The following GRM4 variants were observed in gnomAD, a reference collection of about 807,000 sequenced individuals.
GRM4 encodes the protein glutamate metabotropic receptor 4.
GRM4 carries 28 observed loss-of-function variants against 81.7 expected under a neutral mutation model. That is an observed-to-expected ratio of 0.34 (90% CI 0.25 to 0.47). The LOEUF (loss-of-function observed/expected upper bound fraction) is 0.47. GRM4 is among the 20% of genes least tolerant of loss of function. The pLI is 1.00. For missense variants in GRM4, 948 were observed against 1,290.0 expected, an observed-to-expected ratio of 0.73 and a Z score of 4.06; for synonymous variants, 488 against 528.8, an observed-to-expected ratio of 0.92 and a Z score of 1.06.
At chr6:34,044,601 T>C (rs1421164088) in intron 6 of GRM4, among the ~76,000 whole-genome samples, 1 of 128,338 alleles carries the variant, frequency 7.8e-6, no homozygotes, top group Non-Finnish European at 1.7e-5. Flanking sequence ...GACACACACA[T>C]AGACATACAT....
chr6:34,075,423 C>A (rs934781825), intron 3 of GRM4, among the ~76,000 whole-genome samples: 1 of 152,230 alleles, frequency 6.6e-6, no homozygotes, highest in Admixed American at 6.5e-5. Flanking sequence ...GCCAGAAATG[C>A]CCTTCTCACG....
chr6:34,138,374 G>C (rs960436126), intron 1 of GRM4, among the ~76,000 whole-genome samples: 1 of 152,190 alleles, frequency 6.6e-6, no homozygotes, highest in African/African-American at 2.4e-5. Flanking sequence ...GTCTCTGCAG[G>C]GCCCACCCAG....
rs1581574324 is a variant in GRM4, at chr6:34,022,713, G to C, written c.*108C>G. The C allele has an allele frequency of 1.0e-6, 1 of 979,760 alleles. No homozygotes were observed. Among genetic ancestry groups the C allele is most frequent in the East Asian group, 2.4e-5 (1 of 41,072 alleles). 60.7% of individuals were successfully genotyped at this position (979,760 alleles called of 1,614,324 possible). ...TCCTCAGCACCAAGCCACGTCCGTG[G>C]GTGCCCACGGGCAGGCAAGACAGCT... On this transcript the variant is annotated 3_prime_UTR_variant, in exon 11 of 11. Transcript: ENST00000538487. This position sits in a 1 kb window ranked among gnomAD's most constrained non-coding sequence, Gnocchi z 5.6.
chr6:34,067,237 G>C (rs1766513984), intron 3 of GRM4, among the ~76,000 whole-genome samples: 1 of 152,144 alleles, frequency 6.6e-6, no homozygotes, highest in Non-Finnish European at 1.5e-5. Flanking sequence ...GTGGTCTGGT[G>C]ACCTTTCCTG....
At position 34,047,834 on chromosome 6, in the gene GRM4, A is replaced by G. The variant is rs1202012909; in HGVS notation, c.1169-7086T>C. On this transcript the variant is annotated intron_variant, in intron 6 of 10. Coordinates refer to ENST00000538487, the MANE Select transcript of GRM4 (RefSeq NM_000841.4). The surrounding 1 kb of genome is among the most constrained non-coding windows in gnomAD (Gnocchi z 4.5). ...GGAGTCGATTCTTGACTCCCTCTCA[A>G]GTGTTCTTTTACAAGCTCCAAGAGC... Among the ~76,000 whole-genome samples the G allele has an allele frequency of 6.6e-6, 1 of 152,266 alleles. No homozygotes were observed.
chr6:34,139,203 G>A (rs1248163749), intron 1 of GRM4, among the ~76,000 whole-genome samples: 1 of 152,186 alleles, frequency 6.6e-6, no homozygotes, highest in African/African-American at 2.4e-5. Context: ...CCTGATGTCA[G>A]AAATCCCAGA....
chr6:34,061,838 C>T, intron 4 of GRM4, 55 bp downstream of exon 4: 1 of 1,569,570 alleles, frequency 6.4e-7, no homozygotes, highest in Non-Finnish European at 8.7e-7. Context: ...GGACCCGTGG[C>T]TTTGCCCACA....
intron 3 of GRM4, among the ~76,000 whole-genome samples, chr6:34,072,623 C>T (rs890035119): frequency 2.2e-5 from 3 of 135,308 alleles, no homozygotes; most frequent in South Asian, 2.5e-4. Context: ...CACACATCAC[C>T]GCATAGATAC....
rs181387948 is a variant in GRM4 at position 34,089,842 on chromosome 6, G to T, written c.736+2041C>A. ...CATGCCTCTCCTGTCCCTCCAGGCTGTGTGTACATGGGTGTGCCTGTGTGT... is the reference window on the plus strand; with the variant it reads ...CATGCCTCTCCTGTCCCTCCAGGCTTTGTGTACATGGGTGTGCCTGTGTGT... On this transcript the variant is annotated intron_variant, in intron 3 of 10. Transcript: ENST00000538487. The surrounding 1 kb of genome is among the most constrained non-coding windows in gnomAD (Gnocchi z 4.3). Among the ~76,000 whole-genome samples, 1 of 152,224 alleles carries T rather than the reference G, an allele frequency of 6.6e-6. No homozygotes were observed. The highest frequency in any genetic ancestry group is 1.9e-4 in the East Asian group (1 of 5,180).
At chr6:34,024,690 T>G in intron 10 of GRM4, 1 of 455,864 alleles carries the variant, frequency 2.2e-6, no homozygotes. Flanking sequence ...CAGAGTTGGG[T>G]GGAGTCAGTG....
At chr6:34,154,290 AC>A (rs1581748785) in intron 1 of GRM4, among the ~76,000 whole-genome samples, 1 of 151,810 alleles carries the variant, frequency 6.6e-6, no homozygotes, top group Admixed American at 6.6e-5. Context: ...CTGCTCCCCG[AC>A]CCCAGCCCAG....
rs139456610 is a variant in GRM4 at position 34,115,564 on chromosome 6, G to A, written c.519+17414C>T. On this transcript the variant is annotated intron_variant, in intron 2 of 10. Transcript: ENST00000538487. This position sits in a 1 kb window ranked among gnomAD's most constrained non-coding sequence, Gnocchi z 4.1. ...GACAGCAGCCTCCAGGGGTCTGCCC[G>A]AAGACACTCGGCAAACCTTTCAGGC... Among the ~76,000 whole-genome samples, 168 of 152,248 alleles carry A rather than the reference G, an allele frequency of 1.1e-3. 1 individual carries two copies. Among genetic ancestry groups the A allele is most frequent in the East Asian group, 9.7e-3 (50 of 5,162 alleles).
intron 3 of GRM4, chr6:34,063,753 G>A (rs1766300003): frequency 6.6e-6 from 1 of 152,254 alleles, no homozygotes. Flanking sequence ...CCACTGGCCG[G>A]GCCGGCTCTC....
Position 34,074,698 on chromosome 6 carries a change from C to T in GRM4, c.737-12670G>A, listed in dbSNP as rs931736824. On this transcript the variant is annotated intron_variant, in intron 3 of 10. Transcript: ENST00000538487. The surrounding 1 kb of genome is among the most constrained non-coding windows in gnomAD (Gnocchi z 4.9). ...AGCAGAGGGAAATTTGCTGAGTGAT[C>T]GACTTAATATCTCAACACAAACCCA... 8.5e-5 allele frequency among the ~76,000 whole-genome samples: 13 copies of T among 152,202 alleles called. No individual in the cohort carries two copies. The highest frequency in any genetic ancestry group is 1.6e-4 in the Non-Finnish European group (11 of 68,030).
intron 3 of GRM4, among the ~76,000 whole-genome samples, chr6:34,066,269 C>T (rs1766463163): frequency 6.6e-6 from 1 of 151,992 alleles, no homozygotes; most frequent in Non-Finnish European, 1.5e-5. Context: ...CTGTCTGAAA[C>T]TGCAAAAAAA....
exon 1 of GRM4, chr6:34,155,155 C>G: frequency 1.3e-6 from 2 of 1,535,280 alleles, no homozygotes; most frequent in South Asian, 1.2e-5. Flanking sequence ...GGCGGCCGCC[C>G]CCTCGGATTC....
chr6:34,045,645 G>A (rs574865898), intron 6 of GRM4, among the ~76,000 whole-genome samples: 4 of 152,264 alleles, frequency 2.6e-5, no homozygotes, highest in African/African-American at 9.6e-5. Flanking sequence ...GTCTGGCCAG[G>A]CCCAACCAGG....
intron 8 of GRM4, among the ~76,000 whole-genome samples, chr6:34,038,095 G>A (rs1350715691): frequency 6.6e-6 from 1 of 152,168 alleles, no homozygotes; most frequent in Non-Finnish European, 1.5e-5. Context: ...CAACTGCAGG[G>A]GAAAGACCCT....
Position 34,059,729 on chromosome 6 carries a change from G to A in GRM4, c.873-601C>T. The A allele has an allele frequency of 6.5e-6, 1 of 154,920 alleles. No individual in the cohort carries two copies. Among genetic ancestry groups the A allele is most frequent in the Non-Finnish European group, 1.4e-5 (1 of 69,686 alleles). The allele number at this position is 154,920 out of a possible 1,614,324, so 9.6% of individuals were successfully genotyped here. The stretch of plus-strand genomic sequence containing the variant: ...ATGGGTGTGGAGCCAGCTGCCCAGT[G>A]CTCACACACAGCCCAGTCTGCCTGT... On this transcript the variant is annotated intron_variant, in intron 4 of 10. Transcript: ENST00000538487. The surrounding 1 kb of genome is among the most constrained non-coding windows in gnomAD (Gnocchi z 5.7).
Sources: allele counts gnomAD v4.1 joint callset (sites outside exome capture counted in the v4.1 genomes callset), GRCh38; gene constraint gnomAD v4.1.1; non-coding constraint Gnocchi (gnomAD v3.1); transcripts MANE v1.5; gene names NCBI Gene and HGNC (gene_info 2026-07-23, HGNC 2026-07-21).